The following CSMD1 variants were observed in gnomAD, a reference collection of about 807,000 sequenced individuals.
CSMD1 encodes CUB and Sushi multiple domains 1, also known as CUB and sushi domain-containing protein 1.
CSMD1 carries 213 observed loss-of-function variants against 417.5 expected under a neutral mutation model. The ratio of observed to expected loss-of-function variants is 0.51; its 90% CI spans 0.46 to 0.57. The LOEUF (loss-of-function observed/expected upper bound fraction) is 0.57. CSMD1 is among the 20% of genes least tolerant of loss of function. The pLI is 0.00. For synonymous variants in CSMD1, 2,862 were observed against 1,736.8 expected (o/e 1.65, Z -16.11); for missense variants, 6,923 against 4,529.7 (o/e 1.53, Z -15.17).
intron 4 of CSMD1, among the ~76,000 whole-genome samples, chr8:4,022,836 G>T (rs190179264): frequency 1.1e-3 from 164 of 150,346 alleles, no homozygotes; most frequent in African/African-American, 3.9e-3. Context: ...TCTTCAGAAA[G>T]AAGAAGAGAG....
intron 26 of CSMD1, among the ~76,000 whole-genome samples, chr8:3,266,951 G>C (rs1003431149): frequency 1.1e-4 from 16 of 152,184 alleles, no homozygotes; most frequent in African/African-American, 3.9e-4. Flanking sequence ...CATAGACTAA[G>C]GTATAAAATT....
At chr8:3,290,890 C>A (rs1033440868) in intron 25 of CSMD1, among the ~76,000 whole-genome samples, 4 of 152,006 alleles carry the variant, frequency 2.6e-5, no homozygotes, top group Non-Finnish European at 5.9e-5. Flanking sequence ...GAGAGGGCAT[C>A]CTGGTCTTGT....
rs539351563 is a variant in CSMD1 at position 4,362,272 on chromosome 8, C to G, written c.415+57681G>C. ...ATGAGAGGGGATTTCAACCAGAACA[C>G]AAGCAGTGGACTCCTCCTCCTTCAG... On this transcript the variant is annotated intron_variant, in intron 3 of 69. Coordinates refer to ENST00000635120, the MANE Select transcript of CSMD1 (RefSeq NM_033225.6). Among the ~76,000 whole-genome samples, 105 of 152,168 alleles carry G rather than the reference C, an allele frequency of 6.9e-4. 1 individual carries two copies. The highest frequency in any genetic ancestry group is 1.3e-4 in the Non-Finnish European group (9 of 68,016).
At chr8:3,749,169 C>A (rs1217017914) in intron 6 of CSMD1, among the ~76,000 whole-genome samples, 2 of 152,020 alleles carry the variant, frequency 1.3e-5, no homozygotes, top group East Asian at 3.8e-4. Flanking sequence ...GCTTACAAGG[C>A]ACTTATTTAA....
At chr8:3,859,970 C>T (rs1804581857) in intron 5 of CSMD1, among the ~76,000 whole-genome samples, 1 of 152,120 alleles carries the variant, frequency 6.6e-6, no homozygotes, top group Admixed American at 6.5e-5. Context: ...AGTGAATTTT[C>T]AAGCCTGAGG....
intron 1 of CSMD1, among the ~76,000 whole-genome samples, chr8:4,801,916 G>A (rs760213059): frequency 2.6e-5 from 4 of 152,128 alleles, no homozygotes; most frequent in Admixed American, 6.5e-5. Flanking sequence ...GGCAGCATTC[G>A]TACTGTGATT....
chr8:3,085,019 G>T (rs1206090801), intron 49 of CSMD1, among the ~76,000 whole-genome samples: 1 of 151,960 alleles, frequency 6.6e-6, no homozygotes, highest in Non-Finnish European at 1.5e-5. Context: ...TCTTGCACAG[G>T]AAATGAATTT....
At chr8:3,659,402 G>T (rs890050864) in intron 7 of CSMD1, among the ~76,000 whole-genome samples, 1 of 152,124 alleles carries the variant, frequency 6.6e-6, no homozygotes, top group Admixed American at 6.6e-5. Flanking sequence ...ACAGGTAACG[G>T]GTCTCAGTGT....
At chr8:4,818,286 G>C (rs1176938347) in intron 1 of CSMD1, among the ~76,000 whole-genome samples, 2 of 152,084 alleles carry the variant, frequency 1.3e-5, no homozygotes, top group East Asian at 3.9e-4. Flanking sequence ...ATTTAGTCTA[G>C]AAAAGCTCGA....
intron 3 of CSMD1, among the ~76,000 whole-genome samples, chr8:4,040,497 C>T (rs1402595237): frequency 6.6e-6 from 1 of 152,118 alleles, no homozygotes; most frequent in African/African-American, 2.4e-5. Context: ...ATGACAAAAA[C>T]TCTTTCATAT....
At chr8:4,286,749 G>A (rs1334772839) in intron 3 of CSMD1, among the ~76,000 whole-genome samples, 7 of 152,160 alleles carry the variant, frequency 4.6e-5, no homozygotes, top group Admixed American at 4.6e-4. Flanking sequence ...TCTGATGCTT[G>A]ATAAATATTA....
intron 21 of CSMD1, among the ~76,000 whole-genome samples, chr8:3,353,767 A>AAT (rs3083120): frequency 0.74 from 112,170 of 151,670 alleles, 42,078 homozygotes; most frequent in South Asian, 0.87. Flanking sequence ...GAATGAACAC[A>AAT]GTTTCTTAAT....
In CSMD1 at chr8:4,122,793, C is replaced by CA. The variant is rs541714300; in HGVS notation, c.416-90695dup. Among the ~76,000 whole-genome samples the CA allele has an allele frequency of 7.1e-3, 1,077 of 152,176 alleles. 10 individuals carry two copies. Among genetic ancestry groups the CA allele is most frequent in the African/African-American group, 0.025 (1,027 of 41,494 alleles). On this transcript the variant is annotated intron_variant, in intron 3 of 69. Coordinates refer to ENST00000635120, the MANE Select transcript of CSMD1 (RefSeq NM_033225.6). ...ATCAATGGAAGTCACTGTCTTCCAT[C>CA]AAAAAAACAAATGATTTAATCTCCC...
At position 3,509,645 on chromosome 8, in the gene CSMD1, G is replaced by C. The variant is rs559620960; in HGVS notation, c.1345-15919C>G. Among the ~76,000 whole-genome samples, 25 of 152,296 alleles carry C rather than the reference G, an allele frequency of 1.6e-4. No individual in the cohort carries two copies. The East Asian group carries it at 2.7e-3, about 16-fold the overall frequency. On this transcript the variant is annotated intron_variant, in intron 10 of 69. Coordinates refer to ENST00000635120, the MANE Select transcript of CSMD1 (RefSeq NM_033225.6). Reference sequence around the variant, plus strand: ...ATCTGGGAAAGGGAAGAAGCTATAAGATATCATCAACCTAACAAAAAGAAA... The same window carrying C: ...ATCTGGGAAAGGGAAGAAGCTATAACATATCATCAACCTAACAAAAAGAAA...
intron 4 of CSMD1, among the ~76,000 whole-genome samples, chr8:4,027,014 A>G (rs1025257076): frequency 2.6e-5 from 4 of 152,220 alleles, no homozygotes; most frequent in African/African-American, 9.6e-5. Flanking sequence ...ATAATAAGCT[A>G]ACCACATGAT....
At chr8:3,333,762 C>T (rs567963441) in intron 23 of CSMD1, among the ~76,000 whole-genome samples, 4 of 152,274 alleles carry the variant, frequency 2.6e-5, no homozygotes, top group East Asian at 1.9e-4. Flanking sequence ...TGAAAAGATG[C>T]TTTGACTCAA....
At chr8:3,407,217 T>G (rs7014229) in intron 14 of CSMD1, among the ~76,000 whole-genome samples, 1 of 150,488 alleles carries the variant, frequency 6.6e-6, no homozygotes, top group African/African-American at 2.4e-5. Flanking sequence ...GGTGAAATAA[T>G]AGATAAATGG....
At chr8:2,966,395 A>G (rs1007372547) in intron 58 of CSMD1, among the ~76,000 whole-genome samples, 175 bp downstream of exon 58, 1 of 149,672 alleles carries the variant, frequency 6.7e-6, no homozygotes, top group Non-Finnish European at 1.5e-5. Flanking sequence ...AAGCAACTGG[A>G]AAAAAAATCT....
chr8:4,203,214 G>A (rs1005149241), intron 3 of CSMD1, among the ~76,000 whole-genome samples: 3 of 152,184 alleles, frequency 2.0e-5, no homozygotes, highest in African/African-American at 7.2e-5. Flanking sequence ...TGGCTTTGAA[G>A]ATGGAGAAAG....
Sources: gnomAD v4.1 joint callset for allele counts (sites outside exome capture counted in the v4.1 genomes callset) on GRCh38, gnomAD v4.1.1 for gene constraint, MANE v1.5 for transcripts, NCBI Gene and HGNC (gene_info 2026-07-23, HGNC 2026-07-21) for gene names.